Variants in COMMD10 observed in about 807,000 individuals in gnomAD.
COMMD10 encodes COMM domain-containing protein 10.
In COMMD10, 33 loss-of-function variants were observed where a neutral mutation model predicts 28.9. That is an observed-to-expected ratio of 1.14 (90% confidence interval 0.87 to 1.53). The LOEUF is 1.53. COMMD10 is among the 40% of genes most tolerant of loss of function. The pLI, the probability that COMMD10 is intolerant of heterozygous loss-of-function variation, is 0.00. For synonymous variants in COMMD10, 110 were observed against 81.7 expected, an observed-to-expected ratio of 1.35 and a Z score of -1.87; for missense variants, 310 against 233.4, an observed-to-expected ratio of 1.33 and a Z score of -2.14.
chr5:116,247,567 G>A (rs1177613110), intron 5 of COMMD10, among the ~76,000 whole-genome samples: 1 of 151,304 alleles, frequency 6.6e-6, no homozygotes, highest in Non-Finnish European at 1.5e-5. Flanking sequence ...AGGGAATCAA[G>A]CTAAACGCCT....
At chr5:116,092,779 A>G in intron 4 of COMMD10, 79 bp downstream of exon 4, 2 of 1,111,342 alleles carry the variant, frequency 1.8e-6, no homozygotes, top group East Asian at 2.7e-5. Flanking sequence ...TTTTAAAGTG[A>G]TAATATTTTG....
intron 5 of COMMD10, among the ~76,000 whole-genome samples, chr5:116,137,861 T>C (rs1171168326): frequency 6.6e-6 from 1 of 151,984 alleles, no homozygotes; most frequent in Non-Finnish European, 1.5e-5. Context: ...ATATGTATTC[T>C]AGTTGTTTTT....
chr5:116,153,479 A>T (rs1027871457), intron 5 of COMMD10, among the ~76,000 whole-genome samples: 2 of 152,136 alleles, frequency 1.3e-5, no homozygotes, highest in African/African-American at 4.8e-5. Context: ...TGCAGAGCAC[A>T]CAGTAATCAT....
chr5:116,210,116 A>G (rs1241332375), intron 5 of COMMD10, among the ~76,000 whole-genome samples: 1 of 152,170 alleles, frequency 6.6e-6, no homozygotes, highest in Admixed American at 6.6e-5. Context: ...TACTTCCTTG[A>G]TAACTAACTC....
At chr5:116,200,599 TTTTTG>T (rs551346997) in intron 5 of COMMD10, among the ~76,000 whole-genome samples, 1 of 152,034 alleles carries the variant, frequency 6.6e-6, no homozygotes, top group Non-Finnish European at 1.5e-5. Flanking sequence ...CCTCCTGGGT[TTTTTG>T]TTTTGTTTTG....
rs915196890 is a variant in COMMD10, at chr5:116,276,075, C to T, written c.511-15442C>T. Among the ~76,000 whole-genome samples the T allele has an allele frequency of 2.0e-5, 3 of 150,794 alleles. 1 individual carries two copies. Among genetic ancestry groups the T allele is most frequent in the South Asian group, 4.2e-4 (2 of 4,796 alleles). On this transcript the variant is annotated intron_variant, in intron 5 of 6. Coordinates refer to ENST00000274458, the MANE Select transcript of COMMD10 (RefSeq NM_016144.4). ...GGTATTCTTACTGTGCTGTACAGCA[C>T]CAAAGCAAGCAGCAGGTGGATAGGA...
In COMMD10 at chr5:116,191,383, G is replaced by A. The variant is rs76065173; in HGVS notation, c.510+57205G>A. ...CCCTATTCTTTTGCAACTGGGTGGC[G>A]GATAGCCTGGGGCAAGTTTTCAAGC... is the stretch of plus-strand genomic sequence containing the variant. On this transcript the variant is annotated intron_variant, in intron 5 of 6. Coordinates refer to ENST00000274458, the MANE Select transcript of COMMD10 (RefSeq NM_016144.4). Among the ~76,000 whole-genome samples the A allele has an allele frequency of 4.9e-3, 740 of 151,984 alleles. 1 individual carries two copies. Among genetic ancestry groups the A allele is most frequent in the Non-Finnish European group, 7.4e-3 (504 of 67,968 alleles).
At chr5:116,265,610 C>T (rs1750563385) in intron 5 of COMMD10, among the ~76,000 whole-genome samples, 1 of 151,728 alleles carries the variant, frequency 6.6e-6, no homozygotes, top group South Asian at 2.1e-4. Flanking sequence ...TATTAAACAT[C>T]TGTTGTATTC....
chr5:116,109,931 G>A (rs575198516), intron 4 of COMMD10, among the ~76,000 whole-genome samples: 3 of 152,306 alleles, frequency 2.0e-5, no homozygotes, highest in South Asian at 4.1e-4. Context: ...GTGAAAATGG[G>A]CATCCTTGTC....
intron 4 of COMMD10, among the ~76,000 whole-genome samples, chr5:116,099,876 G>T (rs1750600864): frequency 6.6e-6 from 1 of 152,080 alleles, no homozygotes; most frequent in African/African-American, 2.4e-5. Flanking sequence ...ACAAATACAG[G>T]TTGGGTATCA....
chr5:116,098,935 G>T (rs901289210), intron 4 of COMMD10, among the ~76,000 whole-genome samples: 2 of 152,150 alleles, frequency 1.3e-5, no homozygotes, highest in African/African-American at 4.8e-5. Flanking sequence ...CAACATATCT[G>T]TCACCACACA....
intron 4 of COMMD10, among the ~76,000 whole-genome samples, chr5:116,118,538 A>G (rs1188237553): frequency 2.0e-5 from 3 of 152,216 alleles, no homozygotes; most frequent in African/African-American, 7.2e-5. Flanking sequence ...AGAAAGGACA[A>G]TAAAAGGAGG....
intron 5 of COMMD10, among the ~76,000 whole-genome samples, chr5:116,257,259 G>A (rs1027698798): frequency 2.6e-4 from 39 of 151,562 alleles, no homozygotes; most frequent in East Asian, 1.9e-4. Flanking sequence ...ACTTTCAGAT[G>A]TTGGAGCATT....
At chr5:116,246,472 G>GAA (rs533014985) in intron 5 of COMMD10, among the ~76,000 whole-genome samples, 1 of 139,634 alleles carries the variant, frequency 7.2e-6, no homozygotes. Context: ...GTAGAACTAG[G>GAA]AAAAAAAAAA....
At position 116,277,194 on chromosome 5, in the gene COMMD10, A is replaced by G. The variant is rs753115327; in HGVS notation, c.511-14323A>G. Among the ~76,000 whole-genome samples, 19 of 151,918 alleles carry G rather than the reference A, an allele frequency of 1.3e-4. 1 individual carries two copies. Among genetic ancestry groups the G allele is most frequent in the African/African-American group, 4.1e-4 (17 of 41,190 alleles). On this transcript the variant is annotated intron_variant, in intron 5 of 6. Transcript: ENST00000274458. ...TGCTGCATTGAATTCACAGTAGTACACAATAGACATATTTCAAACATAAAA... is the reference window on the plus strand; with the variant it reads ...TGCTGCATTGAATTCACAGTAGTACGCAATAGACATATTTCAAACATAAAA...
At chr5:116,265,078 T>A (rs1242693911) in intron 5 of COMMD10, among the ~76,000 whole-genome samples, 1 of 151,858 alleles carries the variant, frequency 6.6e-6, no homozygotes, top group Non-Finnish European at 1.5e-5. Flanking sequence ...ACAGACATTT[T>A]GTCTGCTTCG....
chr5:116,161,385 A>G (rs995618667), intron 5 of COMMD10, among the ~76,000 whole-genome samples: 1 of 152,030 alleles, frequency 6.6e-6, no homozygotes, highest in Admixed American at 6.6e-5. Flanking sequence ...TTTTTCTTAT[A>G]AGTTGTTGGG....
intron 5 of COMMD10, 132 bp downstream of exon 5, chr5:116,134,310 C>CT (rs1751960688): frequency 3.6e-6 from 2 of 552,746 alleles, no homozygotes; most frequent in Non-Finnish European, 6.5e-6. Flanking sequence ...ATAAGTGGAT[C>CT]TTTTTTGACA....
chr5:116,141,935 C>G (rs1319278101), intron 5 of COMMD10, among the ~76,000 whole-genome samples: 1 of 151,700 alleles, frequency 6.6e-6, no homozygotes, highest in Non-Finnish European at 1.5e-5. Context: ...TTATTGTCCT[C>G]TCTCAAGTGA....
Sources: gnomAD v4.1 joint callset for allele counts (sites outside exome capture counted in the v4.1 genomes callset) on GRCh38, gnomAD v4.1.1 for gene constraint, MANE v1.5 for transcripts, NCBI Gene and HGNC (gene_info 2026-07-23, HGNC 2026-07-21) for gene names.